Variants in GPM6B observed in about 807,000 individuals in gnomAD.
The protein encoded by GPM6B is glycoprotein M6B.
In GPM6B, 4 loss-of-function variants were observed where a neutral mutation model predicts 27.2. The observed-to-expected ratio is 0.15, with a 90% CI of 0.07 to 0.34. The LOEUF (loss-of-function observed/expected upper bound fraction) is 0.34. Ranked by LOEUF, GPM6B falls within the 10% of genes least tolerant of loss-of-function variation. GPM6B has a pLI of 1.00. For missense variants in GPM6B, 183 were observed against 261.9 expected, an observed-to-expected ratio of 0.70 and a Z score of 2.08; for synonymous variants, 124 against 103.1, an observed-to-expected ratio of 1.20 and a Z score of -1.23.
At chrX:13,818,668 T>C (rs2049274475), upstream of GPM6B, among the ~76,000 whole-genome samples, 2 of 112,477 alleles carry the variant, frequency 1.8e-5, no homozygotes, top group African/African-American at 3.2e-5. Flanking sequence ...GGTCAGGGGA[T>C]TGAGAAGTAT....
intron 1 of GPM6B, among the ~76,000 whole-genome samples, chrX:13,927,054 AAAG>A (rs1252214872): frequency 8.9e-6 from 1 of 111,903 alleles, no homozygotes; most frequent in African/African-American, 3.2e-5. Flanking sequence ...CAGAAGGCAT[AAAG>A]AACTACTACA....
chrX:13,864,876 G>A (rs1490720406), intron 1 of GPM6B, among the ~76,000 whole-genome samples: 1 of 111,964 alleles, frequency 8.9e-6, no homozygotes. Flanking sequence ...ACTGCAGATA[G>A]TAACAAACCC....
At chrX:13,851,930 A>G (rs1051237452) in intron 1 of GPM6B, among the ~76,000 whole-genome samples, 5 of 109,105 alleles carry the variant, frequency 4.6e-5, no homozygotes, top group South Asian at 4.1e-4. Flanking sequence ...ATCACGTAAC[A>G]TGAGTTTGCT....
At chrX:13,905,090 G>A (rs1295945099) in intron 1 of GPM6B, among the ~76,000 whole-genome samples, 4 of 108,076 alleles carry the variant, frequency 3.7e-5, no homozygotes, top group Non-Finnish European at 5.7e-5. Flanking sequence ...AATTAGCCAG[G>A]CATGGTGGTG....
chrX:13,931,381 C>G (rs934661936), intron 1 of GPM6B, among the ~76,000 whole-genome samples: 50 of 106,479 alleles, frequency 4.7e-4, no homozygotes, highest in African/African-American at 1.1e-3. Flanking sequence ...CCAGCTACTC[C>G]GGAGGCTGAG....
intron 1 of GPM6B, among the ~76,000 whole-genome samples, chrX:13,839,815 T>C (rs185220355): frequency 1.8e-5 from 2 of 112,124 alleles, no homozygotes; most frequent in East Asian, 5.6e-4. Context: ...ACAAGCCTTA[T>C]TGTAGATACT....
chrX:13,938,398 A>C (rs1921952780), exon 1 of GPM6B: 6 of 318,332 alleles, frequency 1.9e-5, no homozygotes, highest in Middle Eastern at 8.1e-4. Flanking sequence ...GAGGTGGCCG[A>C]GGAGGCGCCA....
chrX:13,841,168 C>T (rs1464958969), intron 1 of GPM6B, among the ~76,000 whole-genome samples: 4 of 111,911 alleles, frequency 3.6e-5, no homozygotes, highest in African/African-American at 6.5e-5. Context: ...CACATTTATA[C>T]GTACACATAC....
At chrX:13,932,957 A>G (rs979638644) in intron 1 of GPM6B, among the ~76,000 whole-genome samples, 5 of 112,138 alleles carry the variant, frequency 4.5e-5, no homozygotes, top group African/African-American at 1.6e-4. Context: ...CAATCAAATT[A>G]CTTCTAAAGC....
At chrX:13,890,439 C>T (rs922920575) in intron 1 of GPM6B, among the ~76,000 whole-genome samples, 1 of 111,647 alleles carries the variant, frequency 9.0e-6, no homozygotes, top group Non-Finnish European at 1.9e-5. Context: ...TCTATGGACT[C>T]GCCCTGAATT....
chrX:13,832,086 T>TA (rs112530416), intron 1 of GPM6B, among the ~76,000 whole-genome samples: 2,266 of 111,630 alleles, frequency 0.02, 44 homozygotes, highest in African/African-American at 0.059. Flanking sequence ...TTTTTACAAT[T>TA]AAAAAAACAG....
intron 1 of GPM6B, among the ~76,000 whole-genome samples, chrX:13,857,592 G>A (rs1892073224): frequency 2.7e-5 from 3 of 112,040 alleles, no homozygotes; most frequent in Middle Eastern, 4.6e-3. Flanking sequence ...GCAGACTAAT[G>A]CCCTCCCACA....
chrX:13,792,832 G>T (rs1051535128), intron 2 of GPM6B, among the ~76,000 whole-genome samples: 1 of 107,795 alleles, frequency 9.3e-6, no homozygotes. Flanking sequence ...CCAGGGAGTT[G>T]GAGGTGGCAG....
At chrX:13,925,585 G>A (rs1356161790) in intron 1 of GPM6B, among the ~76,000 whole-genome samples, 5 of 104,862 alleles carry the variant, frequency 4.8e-5, no homozygotes. Context: ...CCAAAGCACT[G>A]GGATTACCTT....
In GPM6B at chrX:13,832,121, T is replaced by C. The variant is rs183242673; in HGVS notation, c.-197-46313A>G. 3.6e-5 allele frequency among the ~76,000 whole-genome samples: 4 copies of C among 111,580 alleles called. No individual in the cohort carries two copies. In the East Asian group the frequency reaches 1.1e-3, roughly 31 times the overall value. On this transcript the variant is annotated intron_variant, in intron 1 of 6. Transcript: ENST00000398361. ...GGCTATTGATAGACTAGGAGGAATA[T>C]ATTTGCCAGCCCTCTAACTGGCAGG...
At chrX:13,875,457 C>T (rs1294003564) in intron 1 of GPM6B, among the ~76,000 whole-genome samples, 1 of 111,348 alleles carries the variant, frequency 9.0e-6, no homozygotes, top group African/African-American at 3.3e-5. Context: ...AGCAAAAGGC[C>T]GCACGGGTAG....
At chrX:13,911,506 G>C (rs1193037720) in intron 1 of GPM6B, among the ~76,000 whole-genome samples, 1 of 112,464 alleles carries the variant, frequency 8.9e-6, no homozygotes, top group African/African-American at 3.2e-5. Flanking sequence ...AGTTACTGCG[G>C]TTAAAGAACT....
chrX:13,786,109 C>A (rs972101853), intron 2 of GPM6B, among the ~76,000 whole-genome samples: 4 of 112,656 alleles, frequency 3.6e-5, no homozygotes, highest in Non-Finnish European at 7.5e-5. Context: ...AGTTCTAGAG[C>A]TTCCTGATCG....
chrX:13,808,673 TA>T (rs1197516309), intron 1 of GPM6B, among the ~76,000 whole-genome samples: 3 of 109,931 alleles, frequency 2.7e-5, no homozygotes, highest in East Asian at 2.8e-4. Flanking sequence ...ATTTAAGGAT[TA>T]AAAAAAAATT....
Sources: allele counts gnomAD v4.1 joint callset (sites outside exome capture counted in the v4.1 genomes callset), GRCh38; gene constraint gnomAD v4.1.1; transcripts MANE v1.5; gene names NCBI Gene and HGNC (gene_info 2026-07-23, HGNC 2026-07-21).